NAV2: variants seen among roughly 807,000 people sequenced by gnomAD.
The protein encoded by NAV2 is neuron navigator 2.
In NAV2, 54 loss-of-function variants were observed where a neutral mutation model predicts 223.2. The ratio of observed to expected loss-of-function variants is 0.24; its 90% CI spans 0.19 to 0.30. The LOEUF is 0.30. Ranked by LOEUF, NAV2 falls within the 10% of genes least tolerant of loss-of-function variation. The pLI is 1.00. For synonymous variants in NAV2, 1,279 were observed against 1,239.3 expected, an observed-to-expected ratio of 1.03 and a Z score of -0.67; for missense variants, 2,806 against 3,147.5, an observed-to-expected ratio of 0.89 and a Z score of 2.60.
chr11:20,112,515 C>A (rs1196801435), intron 36 of NAV2, among the ~76,000 whole-genome samples: 3 of 152,124 alleles, frequency 2.0e-5, no homozygotes, highest in African/African-American at 7.2e-5. Context: ...AGCTAGAGGT[C>A]CCAGATGGCA....
intron 6 of NAV2, among the ~76,000 whole-genome samples, chr11:19,931,371 A>G (rs574171929): frequency 1.3e-5 from 2 of 152,256 alleles, no homozygotes; most frequent in South Asian, 4.2e-4. Context: ...TGTGTTTTAA[A>G]ACATTGGGAG....
intron 17 of NAV2, among the ~76,000 whole-genome samples, 154 bp downstream of exon 17, chr11:20,051,487 CCT>C (rs775219000): frequency 2.0e-5 from 3 of 152,138 alleles, no homozygotes; most frequent in Non-Finnish European, 2.9e-5. Flanking sequence ...CCCCTTGCAC[CCT>C]CTCGTTCTCA....
chr11:19,730,583 C>T (rs1048287896), intron 1 of NAV2, among the ~76,000 whole-genome samples: 17 of 152,236 alleles, frequency 1.1e-4, no homozygotes, highest in African/African-American at 3.9e-4. Flanking sequence ...TTCTGACGTG[C>T]TCCGAAATGC....
intron 1 of NAV2, among the ~76,000 whole-genome samples, chr11:19,717,458 G>A (rs953563445): frequency 1.3e-5 from 2 of 152,212 alleles, no homozygotes; most frequent in African/African-American, 2.4e-5. Context: ...CTGAATTTTG[G>A]AGATGGGAAG....
intron 1 of NAV2, among the ~76,000 whole-genome samples, chr11:19,394,620 C>T (rs1849377450): frequency 6.6e-6 from 1 of 152,126 alleles, no homozygotes; most frequent in African/African-American, 2.4e-5. Context: ...GATATGATGA[C>T]ATGTCTAGTG....
At chr11:19,500,510 G>A (rs746431885) in intron 1 of NAV2, among the ~76,000 whole-genome samples, 2 of 152,110 alleles carry the variant, frequency 1.3e-5, no homozygotes, top group Non-Finnish European at 2.9e-5. Context: ...AAATGATTAA[G>A]CACCTCTTGT....
chr11:19,413,647 A>T (rs1186122788), intron 1 of NAV2, among the ~76,000 whole-genome samples: 1 of 152,210 alleles, frequency 6.6e-6, no homozygotes, highest in Non-Finnish European at 1.5e-5. Flanking sequence ...GTTGAAATGA[A>T]GGAAAAAATG....
intron 25 of NAV2, among the ~76,000 whole-genome samples, chr11:20,081,233 T>C (rs551748987): frequency 6.6e-6 from 1 of 152,228 alleles, no homozygotes; most frequent in African/African-American, 2.4e-5. Context: ...GATTAAATTT[T>C]CTTTTTTAAG....
intron 1 of NAV2, among the ~76,000 whole-genome samples, chr11:19,613,494 T>A (rs1318872263): frequency 3.3e-5 from 5 of 152,214 alleles, no homozygotes; most frequent in Admixed American, 3.3e-4. Context: ...CTGTGTTTGC[T>A]AGGTGGTTGA....
chr11:19,466,984 TA>T (rs1366480072), intron 1 of NAV2, among the ~76,000 whole-genome samples: 16,080 of 125,478 alleles, frequency 0.13, 1,184 homozygotes, highest in East Asian at 0.21. Flanking sequence ...TCTCTCTCTC[TA>T]CACACACACA....
At chr11:19,939,903 C>CTT in intron 8 of NAV2, 130 bp downstream of exon 8, 1 of 400,370 alleles carries the variant, frequency 2.5e-6, no homozygotes. Context: ...GCTAAACAAA[C>CTT]TTTCTTTCTT....
chr11:19,818,062 C>CT (rs541328792), intron 1 of NAV2, among the ~76,000 whole-genome samples: 55 of 151,892 alleles, frequency 3.6e-4, no homozygotes, highest in Non-Finnish European at 6.0e-4. Flanking sequence ...CCTGAATTCC[C>CT]TTTTTTTCAT....
intron 6 of NAV2, among the ~76,000 whole-genome samples, chr11:19,923,121 G>A (rs1407689684): frequency 6.6e-6 from 1 of 152,100 alleles, no homozygotes; most frequent in East Asian, 1.9e-4. Flanking sequence ...GGAAATAAGG[G>A]CTCATCTTCT....
chr11:19,480,373 A>C (rs1426837459), intron 1 of NAV2, among the ~76,000 whole-genome samples: 1 of 152,138 alleles, frequency 6.6e-6, no homozygotes, highest in Non-Finnish European at 1.5e-5. Context: ...GCCCTAGGGC[A>C]TGTAGCTTGT....
intron 1 of NAV2, among the ~76,000 whole-genome samples, chr11:19,414,071 A>T (rs1689705652): frequency 6.6e-6 from 1 of 152,222 alleles, no homozygotes; most frequent in Admixed American, 6.5e-5. Flanking sequence ...ACATAACAAG[A>T]TTAACCTTAA....
intron 19 of NAV2, chr11:20,056,634 TA>T: frequency 6.3e-7 from 1 of 1,598,268 alleles, no homozygotes; most frequent in Non-Finnish European, 8.6e-7. Flanking sequence ...GTTAGGTGAG[TA>T]AGCAGTCAAA....
At chr11:19,889,931 T>G (rs2041355170) in intron 5 of NAV2, among the ~76,000 whole-genome samples, 1 of 152,226 alleles carries the variant, frequency 6.6e-6, no homozygotes, top group Non-Finnish European at 1.5e-5. Flanking sequence ...TTTTGTCCAG[T>G]TCTCTCTGAT....
intron 11 of NAV2, among the ~76,000 whole-genome samples, chr11:20,029,651 A>C (rs1177894307): frequency 6.6e-6 from 1 of 152,254 alleles, no homozygotes; most frequent in African/African-American, 2.4e-5. Context: ...AGTGCCTGGC[A>C]CACAGGGGCA....
chr11:19,413,042 A>G (rs187925259), intron 1 of NAV2, among the ~76,000 whole-genome samples: 28 of 152,324 alleles, frequency 1.8e-4, no homozygotes, highest in Admixed American at 1.6e-3. Context: ...ACAACTCCTC[A>G]CCAGCAAGGG....
Sources: allele counts gnomAD v4.1 joint callset (sites outside exome capture counted in the v4.1 genomes callset), GRCh38; gene constraint gnomAD v4.1.1; transcripts MANE v1.5; gene names NCBI Gene and HGNC (gene_info 2026-07-23, HGNC 2026-07-21).